Variants in RRP12 observed in about 807,000 individuals in gnomAD.
RRP12 encodes RRP12-like protein.
A neutral mutation model predicts 157.3 loss-of-function variants in RRP12; 78 were observed. That is an observed-to-expected ratio of 0.50 (90% CI 0.41 to 0.60). The LOEUF (loss-of-function observed/expected upper bound fraction) is 0.60, where lower values mean the gene tolerates loss of function less well. Ranked by LOEUF, RRP12 falls within the 20% of genes least tolerant of loss-of-function variation. RRP12 has a pLI of 0.00. For synonymous variants in RRP12, 726 were observed against 670.9 expected, an observed-to-expected ratio of 1.08 and a Z score of -1.27; for missense variants, 1,521 against 1,679.9, an observed-to-expected ratio of 0.91 and a Z score of 1.65.
intron 24 of RRP12, 106 bp from the exon 25 acceptor site, chr10:97,369,688 G>A: frequency 8.1e-7 from 1 of 1,235,736 alleles, no homozygotes; most frequent in Non-Finnish European, 1.1e-6. Flanking sequence ...AGCTGACATT[G>A]AGAGCCTTTC....
At position 97,379,283 on chromosome 10, in the gene RRP12, T is replaced by A. The variant is rs753658845; in HGVS notation, c.1798+10A>T. On this transcript the variant is annotated intron_variant, in intron 15 of 33. Transcript: ENST00000370992. ...GCCTCAGGTCACACACAGGCAAGGG[T>A]CTCTCCTACCTTTGCTCTTCAGGGT... 6.2e-7 allele frequency: 1 copy of A among 1,613,460 alleles called. No homozygotes were observed. The highest frequency in any genetic ancestry group is 8.5e-7 in the Non-Finnish European group (1 of 1,179,652).
At position 97,366,242 on chromosome 10, in the gene RRP12, T is replaced by C. The variant is rs375235809; in HGVS notation, c.3392-9A>G. 6.2e-7 allele frequency: 1 copy of C among 1,610,892 alleles called. No homozygotes were observed. The highest frequency in any genetic ancestry group is 8.5e-7 in the Non-Finnish European group (1 of 1,179,718). ...TGGCCCTGGCTGCGTGGCTGGGGTG[T>C]AGAGTTTGGCATGAGGAGGTGGAAG... is the stretch of plus-strand genomic sequence containing the variant. On this transcript the variant is annotated splice_polypyrimidine_tract_variant and intron_variant, in intron 28 of 33. Transcript: ENST00000370992.
At chr10:97,397,464 T>C (rs1844999625) in intron 2 of RRP12, among the ~76,000 whole-genome samples, 1 of 152,024 alleles carries the variant, frequency 6.6e-6, no homozygotes, top group Non-Finnish European at 1.5e-5. Context: ...GCCTGGTATA[T>C]TATTATTATT....
intron 2 of RRP12, among the ~76,000 whole-genome samples, chr10:97,397,999 A>G (rs1202437395): frequency 2.4e-5 from 2 of 81,640 alleles, no homozygotes; most frequent in African/African-American, 4.5e-5. Context: ...ATACGTATAT[A>G]TATATACATA....
Position 97,366,734 on chromosome 10 carries a change from G to A in RRP12, c.3215+8C>T, listed in dbSNP as rs756721192. On this transcript the variant is annotated splice_region_variant and intron_variant, in intron 27 of 33. Coordinates refer to ENST00000370992, the MANE Select transcript of RRP12 (RefSeq NM_015179.4). Reference sequence around the variant, plus strand: ...ACACCGGGTCCCATGGCCCTAACATGGTCTCACCTGTCACCTTTGCCCTGG... The same window carrying A: ...ACACCGGGTCCCATGGCCCTAACATAGTCTCACCTGTCACCTTTGCCCTGG... 1.9e-6 allele frequency: 3 copies of A among 1,612,150 alleles called. No homozygotes were observed. The highest frequency in any genetic ancestry group is 2.2e-5 in the East Asian group (1 of 44,872).
At position 97,366,641 on chromosome 10, in the gene RRP12, A is replaced by C. The variant is rs755602783; in HGVS notation, c.3216-20T>G. The C allele has an allele frequency of 1.9e-6, 3 of 1,605,336 alleles. No individual in the cohort carries two copies. The highest frequency in any genetic ancestry group is 1.7e-6 in the Non-Finnish European group (2 of 1,174,382). On this transcript the variant is annotated intron_variant, in intron 27 of 33. Coordinates refer to ENST00000370992, the MANE Select transcript of RRP12 (RefSeq NM_015179.4). ...TCAATGCTAAGGACAAAAAGCCCCC[A>C]GTCAGAGTGCTCCCAGGAGAGGCGG...
Position 97,366,957 on chromosome 10 carries a change from C to T in RRP12, c.3048-48G>A, listed in dbSNP as rs1241978472. On this transcript the variant is annotated intron_variant, in intron 26 of 33. Transcript: ENST00000370992. ...GGTGAGAGGCACTGGCCAGACAGCA[C>T]GACCCAGATGTAGTGTCCCTGGTAG... 6 of 1,609,072 alleles carry T rather than the reference C, an allele frequency of 3.7e-6. No individual in the cohort carries two copies. The African/African-American group carries it at 4.0e-5, about 11-fold the overall frequency.
intron 2 of RRP12, among the ~76,000 whole-genome samples, chr10:97,398,041 T>TATATATATGTA (rs1845032248): frequency 4.9e-5 from 2 of 40,830 alleles, no homozygotes; most frequent in African/African-American, 1.3e-4. Context: ...ATATACGTAT[T>TATATATATGTA]TTTTTTTTTT....
chr10:97,391,853 G>A (rs926949543), intron 4 of RRP12, among the ~76,000 whole-genome samples: 8 of 152,144 alleles, frequency 5.3e-5, no homozygotes, highest in Admixed American at 1.3e-4. Context: ...CCCAGGAGGT[G>A]GAGTTGCAGT....
In RRP12 at chr10:97,357,213, C is replaced by T. The variant is rs367897821; in HGVS notation, c.3792-17G>A. On this transcript the variant is annotated splice_polypyrimidine_tract_variant and intron_variant, in intron 33 of 33. Coordinates refer to ENST00000370992, the MANE Select transcript of RRP12 (RefSeq NM_015179.4). ...ATCTTCTTCCTGCAGGGCCAAGGAACGGAAGGGTCACATCTGGCTGAGAAT... is the reference window on the plus strand; with the variant it reads ...ATCTTCTTCCTGCAGGGCCAAGGAATGGAAGGGTCACATCTGGCTGAGAAT... 3.8e-4 allele frequency: 583 copies of T among 1,531,806 alleles called. 2 individuals carry two copies. The African/African-American group carries it at 4.2e-3, about 11-fold the overall frequency. The allele number at this position is 1,531,806 out of a possible 1,614,324, so 94.9% of individuals were successfully genotyped here. A position where few individuals can be genotyped will look rare whatever the true frequency, so the allele number is the denominator to read the frequency against.
At chr10:97,391,198 T>A (rs553723209) in intron 4 of RRP12, among the ~76,000 whole-genome samples, 72 of 152,202 alleles carry the variant, frequency 4.7e-4, no homozygotes, top group African/African-American at 1.7e-3. Context: ...ACACTCACAC[T>A]CCCTGGTATA....
At chr10:97,370,662 C>A in intron 22 of RRP12, 54 bp downstream of exon 22, 1 of 1,599,888 alleles carries the variant, frequency 6.3e-7, no homozygotes, top group Non-Finnish European at 8.6e-7. Flanking sequence ...GATCCTGAGG[C>A]CCTTAAGAGC....
chr10:97,382,299 C>G (rs1233371793), intron 10 of RRP12, among the ~76,000 whole-genome samples: 1 of 152,046 alleles, frequency 6.6e-6, no homozygotes, highest in South Asian at 2.1e-4. Context: ...CACATGCCAC[C>G]ATGCTCAGCT....
At chr10:97,361,311 C>T (rs1843836139) in intron 30 of RRP12, among the ~76,000 whole-genome samples, 1 of 152,250 alleles carries the variant, frequency 6.6e-6, no homozygotes, top group South Asian at 2.1e-4. Context: ...GAGAGCCCGA[C>T]AGCGGCCCCA....
chr10:97,392,403 G>A (rs745843401), intron 4 of RRP12, among the ~76,000 whole-genome samples: 3 of 152,300 alleles, frequency 2.0e-5, no homozygotes, highest in Middle Eastern at 6.8e-3. Context: ...AGGCTGGACT[G>A]CAGTGGCTTG....
At chr10:97,358,768 G>A in intron 32 of RRP12, 149 bp from the exon 33 acceptor site, 1 of 791,172 alleles carries the variant, frequency 1.3e-6, no homozygotes, top group Non-Finnish European at 2.2e-6. Flanking sequence ...CATTCAATAA[G>A]GTCCCCCATT....
At chr10:97,369,355 A>G in intron 25 of RRP12, 70 bp downstream of exon 25, 1 of 1,515,282 alleles carries the variant, frequency 6.6e-7, no homozygotes, top group Non-Finnish European at 9.0e-7. Flanking sequence ...CTGGCCTCGA[A>G]GCTTGCCAGG....
Position 97,367,245 on chromosome 10 carries a change from A to G in RRP12, c.2956-113T>C, listed in dbSNP as rs1844016120. ...ATCAAGCCCAGCTGAGGGGAGGGTT[A>G]GCGCGGCCCTGCTCCTGGCCCACAC... On this transcript the variant is annotated intron_variant, in intron 25 of 33. Transcript: ENST00000370992. 1.5e-5 allele frequency: 13 copies of G among 874,330 alleles called. No individual in the cohort carries two copies. In the South Asian group the frequency reaches 1.5e-4, roughly 10 times the overall value. 54.2% of individuals were successfully genotyped at this position (874,330 alleles called of 1,614,324 possible).
At chr10:97,393,656 TG>T (rs1844874046) in intron 4 of RRP12, 27 bp downstream of exon 4, 1 of 1,592,398 alleles carries the variant, frequency 6.3e-7, no homozygotes. Context: ...CAAAAAGCCT[TG>T]GGGTTCAAAC....
Sources: allele counts gnomAD v4.1 joint callset (sites outside exome capture counted in the v4.1 genomes callset), GRCh38; gene constraint gnomAD v4.1.1; transcripts MANE v1.5; gene names NCBI Gene and HGNC (gene_info 2026-07-23, HGNC 2026-07-21).